SUPT3H: variants seen among roughly 807,000 people sequenced by gnomAD.
SUPT3H encodes the protein SPT3 homolog, SAGA and STAGA complex component.
In SUPT3H, 44 loss-of-function variants were observed where a neutral mutation model predicts 44.3. The ratio of observed to expected loss-of-function variants is 0.99; its 90% confidence interval spans 0.78 to 1.28. SUPT3H has a LOEUF of 1.28. SUPT3H is among the 50% of genes most tolerant of loss of function. SUPT3H has a pLI of 0.00. For synonymous variants in SUPT3H, 124 were observed against 125.6 expected, an observed-to-expected ratio of 0.99 and a Z score of 0.09; for missense variants, 380 against 387.1, an observed-to-expected ratio of 0.98 and a Z score of 0.15.
chr6:44,934,706 T>C (rs1430250890), intron 9 of SUPT3H, among the ~76,000 whole-genome samples: 1 of 152,218 alleles, frequency 6.6e-6, no homozygotes, highest in Non-Finnish European at 1.5e-5. Context: ...GGTGAACAGA[T>C]GACTGCCTAT....
At chr6:45,276,652 T>C (rs555897995) in intron 2 of SUPT3H, among the ~76,000 whole-genome samples, 1 of 152,360 alleles carries the variant, frequency 6.6e-6, no homozygotes, top group Non-Finnish European at 1.5e-5. Flanking sequence ...GATTAGGCTT[T>C]AAAATGTATT....
chr6:45,328,443 C>A, intron 2 of SUPT3H: 2 of 1,459,922 alleles, frequency 1.4e-6, no homozygotes, highest in Non-Finnish European at 1.8e-6. Context: ...CTACCAGCCA[C>A]CGAGACCAAC....
At chr6:44,962,086 A>C (rs1023932619) in intron 6 of SUPT3H, among the ~76,000 whole-genome samples, 4 of 152,178 alleles carry the variant, frequency 2.6e-5, no homozygotes, top group South Asian at 2.1e-4. Context: ...CTCACGTCTA[A>C]ATTTTCTGAC....
chr6:44,991,423 C>T (rs2153498091), intron 6 of SUPT3H, among the ~76,000 whole-genome samples: 1 of 152,186 alleles, frequency 6.6e-6, no homozygotes, highest in Admixed American at 6.5e-5. Context: ...GCCTTTTTGA[C>T]TGATGCTATG....
At chr6:44,988,575 T>A (rs972582830) in intron 6 of SUPT3H, among the ~76,000 whole-genome samples, 10 of 137,684 alleles carry the variant, frequency 7.3e-5, no homozygotes, top group Admixed American at 2.1e-4. Flanking sequence ...AATATTAAGA[T>A]GAAAGTTTAC....
intron 10 of SUPT3H, among the ~76,000 whole-genome samples, chr6:44,927,110 G>A (rs1004898923): frequency 6.6e-6 from 1 of 152,028 alleles, no homozygotes; most frequent in East Asian, 1.9e-4. Context: ...AAATGGAATG[G>A]TTAAGTGAAT....
chr6:45,041,185 G>A (rs182821331), intron 3 of SUPT3H, among the ~76,000 whole-genome samples: 2 of 151,966 alleles, frequency 1.3e-5, no homozygotes, highest in East Asian at 3.9e-4. Context: ...ATAAATAAAT[G>A]AAATATTTAC....
In SUPT3H at chr6:44,829,624, GC is replaced by G. The variant is rs1409895015; in HGVS notation, c.*191del. On this transcript the variant is annotated 3_prime_UTR_variant, in exon 11 of 11. Transcript: ENST00000371459. ...CATCCTGCCATTAATTAGCTGAACA[GC>G]CCATCTAGTAAACAAGACCGATGGT... 2 of 600,438 alleles carry G rather than the reference GC, an allele frequency of 3.3e-6. No individual in the cohort carries two copies. The highest frequency in any genetic ancestry group is 6.0e-6 in the Non-Finnish European group (2 of 334,340). 37.2% of individuals were successfully genotyped at this position (600,438 alleles called of 1,614,324 possible).
At chr6:45,225,434 A>G (rs1277258782) in intron 2 of SUPT3H, among the ~76,000 whole-genome samples, 2 of 152,316 alleles carry the variant, frequency 1.3e-5, no homozygotes, top group South Asian at 4.2e-4. Flanking sequence ...CTTAATTTTC[A>G]ATATTAAGAA....
intron 3 of SUPT3H, among the ~76,000 whole-genome samples, chr6:45,094,846 TC>T (rs1797593504): frequency 6.6e-6 from 1 of 152,092 alleles, no homozygotes; most frequent in Non-Finnish European, 1.5e-5. Flanking sequence ...CCATAATACT[TC>T]ATTTTTACTT....
chr6:45,168,074 G>A (rs1407510193), intron 2 of SUPT3H, among the ~76,000 whole-genome samples: 4 of 152,132 alleles, frequency 2.6e-5, no homozygotes, highest in African/African-American at 7.2e-5. Flanking sequence ...GCCTCCCAAA[G>A]TGCTGGGATT....
chr6:45,152,968 C>T (rs1364561746), intron 2 of SUPT3H, among the ~76,000 whole-genome samples: 2 of 152,156 alleles, frequency 1.3e-5, no homozygotes, highest in African/African-American at 2.4e-5. Flanking sequence ...TTGTGATGTT[C>T]CTCAAACACA....
At position 44,812,703 on chromosome 6, in the gene SUPT3H, G is replaced by A. The variant is rs568232093; in HGVS notation, c.*53-3202C>T. ...GAATAAGATAATGGAGAAAAGTCAG[G>A]TTCTCTTTTTTTCTCACGAAATTTG... On this transcript the variant is annotated intron_variant and NMD_transcript_variant, in intron 11 of 11. Coordinates refer to the SUPT3H transcript ENST00000475057. Among the ~76,000 whole-genome samples, 10 of 152,288 alleles carry A rather than the reference G, an allele frequency of 6.6e-5. No individual in the cohort carries two copies. The South Asian group carries it at 1.7e-3, about 25-fold the overall frequency.
chr6:45,122,164 G>T (rs921237226), intron 2 of SUPT3H, among the ~76,000 whole-genome samples: 1 of 151,820 alleles, frequency 6.6e-6, no homozygotes, highest in Non-Finnish European at 1.5e-5. Context: ...CCTTTATTAC[G>T]CTGTAAAATG....
At chr6:44,864,694 C>T (rs1041350921) in intron 10 of SUPT3H, among the ~76,000 whole-genome samples, 1 of 152,164 alleles carries the variant, frequency 6.6e-6, no homozygotes, top group Non-Finnish European at 1.5e-5. Context: ...GACTGGGACA[C>T]AGGGCACCAA....
chr6:44,835,303 A>G (rs1392883367), intron 10 of SUPT3H, among the ~76,000 whole-genome samples: 2 of 152,094 alleles, frequency 1.3e-5, no homozygotes, highest in Non-Finnish European at 2.9e-5. Flanking sequence ...GCATACATTC[A>G]CCCTCTCCCA....
intron 10 of SUPT3H, among the ~76,000 whole-genome samples, chr6:44,862,397 C>A (rs1049821105): frequency 6.6e-6 from 1 of 151,956 alleles, no homozygotes; most frequent in Non-Finnish European, 1.5e-5. Flanking sequence ...TGATACAGGG[C>A]CAGGCGCAGT....
Position 44,861,591 on chromosome 6 carries a change from TGGTCAGGCTGG to T in SUPT3H, c.913-31745_913-31735del, listed in dbSNP as rs896247710. ...TAGTAGAAACAGGGTTTCACCATGT[TGGTCAGGCTGG>T]TCTTCAACTCCCGACCTCAGGTGAT... is the stretch of plus-strand genomic sequence containing the variant. On this transcript the variant is annotated intron_variant, in intron 10 of 10. Coordinates refer to ENST00000371459, the MANE Select transcript of SUPT3H (RefSeq NM_003599.4). Among the ~76,000 whole-genome samples the T allele has an allele frequency of 2.0e-5, 3 of 152,162 alleles. No homozygotes were observed. The South Asian group carries it at 6.2e-4, about 32-fold the overall frequency.
At chr6:45,230,790 A>G (rs1221680850) in intron 2 of SUPT3H, among the ~76,000 whole-genome samples, 1 of 150,328 alleles carries the variant, frequency 6.7e-6, no homozygotes, top group Non-Finnish European at 1.5e-5. Context: ...CCCCTGCCTC[A>G]GCCTCCTGAG....
Sources: allele counts gnomAD v4.1 joint callset (sites outside exome capture counted in the v4.1 genomes callset), GRCh38; gene constraint gnomAD v4.1.1; transcripts MANE v1.5; gene names NCBI Gene and HGNC (gene_info 2026-07-23, HGNC 2026-07-21).